Variants in MYO6 observed in about 807,000 individuals in gnomAD.
MYO6 encodes the protein unconventional myosin-VI.
Under a neutral mutation model 178.7 loss-of-function variants are expected in MYO6, and 74 were observed. The observed-to-expected ratio is 0.41, with a 90% CI of 0.34 to 0.50. The LOEUF is 0.50. MYO6 is among the 20% of genes least tolerant of loss of function. The pLI is 0.09. For missense variants in MYO6, 1,330 were observed against 1,547.4 expected (o/e 0.86, Z 2.36); for synonymous variants, 477 against 504.6 (o/e 0.95, Z 0.73).
At chr6:75,906,849 C>T (rs1056259040) in intron 30 of MYO6, among the ~76,000 whole-genome samples, 2 of 152,140 alleles carry the variant, frequency 1.3e-5, no homozygotes, top group African/African-American at 2.4e-5. Flanking sequence ...TGATACAGCA[C>T]TTGTGCCCTT....
intron 1 of MYO6, among the ~76,000 whole-genome samples, chr6:75,791,180 A>G (rs1324962586): frequency 4.6e-5 from 7 of 152,068 alleles, no homozygotes; most frequent in Non-Finnish European, 1.0e-4. Flanking sequence ...TGATCCACCC[A>G]CCTTGGCCTC....
At chr6:75,873,617 T>C (rs1777331140) in intron 20 of MYO6, among the ~76,000 whole-genome samples, 1 of 152,112 alleles carries the variant, frequency 6.6e-6, no homozygotes, top group South Asian at 2.1e-4. Flanking sequence ...ATTTGAGCAA[T>C]ATTGAGATGT....
Position 75,848,378 on chromosome 6 carries a change from C to T in MYO6, c.925C>T (p.Pro309Ser). 3 of 1,613,634 alleles carry T rather than the reference C, an allele frequency of 1.9e-6. No individual in the cohort carries two copies. The highest frequency in any genetic ancestry group is 2.5e-6 in the Non-Finnish European group (3 of 1,179,754). Residue 309 changes from proline to serine, a missense_variant, in exon 11 of 35, where the codon CCT becomes TCT. By Grantham distance (74) the Pro-to-Ser change is moderately conservative. Around this residue, in one of 3 missense-constraint regions of MYO6, gnomAD observed 613 missense variants for 816.8 expected, o/e 0.75. Coordinates refer to ENST00000369977, the MANE Select transcript of MYO6 (RefSeq NM_004999.4). ...EYLKAGSMKD[P>S]LLDDHGDFIR... ...CCTTAAGGCAGGTTCTATGAAAGAT[C>T]CTCTGCTAGATGACCATGGTGATTT...
At chr6:75,831,752 G>A (rs900022988) in intron 5 of MYO6, among the ~76,000 whole-genome samples, 4 of 151,708 alleles carry the variant, frequency 2.6e-5, no homozygotes, top group South Asian at 2.1e-4. Flanking sequence ...AAATTAGCCG[G>A]GCATGTGCTT....
chr6:75,753,632 T>C (rs1251427278), intron 1 of MYO6, among the ~76,000 whole-genome samples: 2 of 151,840 alleles, frequency 1.3e-5, no homozygotes, highest in Non-Finnish European at 1.5e-5. Flanking sequence ...TGGCTAACTT[T>C]TTTGTGTTTC....
intron 28 of MYO6, among the ~76,000 whole-genome samples, chr6:75,893,374 C>G (rs1583389748): frequency 6.6e-6 from 1 of 151,996 alleles, no homozygotes; most frequent in East Asian, 1.9e-4. Context: ...TTTATAATAA[C>G]AAAACTAATT....
chr6:75,864,160 T>G (rs2149303373), intron 16 of MYO6, among the ~76,000 whole-genome samples: 1 of 152,298 alleles, frequency 6.6e-6, no homozygotes, highest in African/African-American at 2.4e-5. Flanking sequence ...TAGGCAAAAT[T>G]GCCTCTCAAA....
At chr6:75,898,537 C>T (rs1779486268) in intron 30 of MYO6, 126 bp downstream of exon 30, 1 of 796,924 alleles carries the variant, frequency 1.3e-6, no homozygotes, top group African/African-American at 1.7e-5. Context: ...AGTGATATTT[C>T]TTTCTGTACA....
chr6:75,861,086 G>C lies in MYO6; in HGVS notation c.1537G>C (p.Asp513His), dbSNP rs1469822801. ...VNEVHYVDNQ[D>H]CIDLIEAKLV... ...TGAAGTGCATTATGTGGATAATCAG[G>C]ACTGTATAGGTATGTGTTTTTTAAC... Residue 513 changes from aspartate to histidine, a missense_variant, in exon 15 of 35, where the codon GAC (aspartate) becomes CAC (histidine). Coordinates refer to ENST00000369977, the MANE Select transcript of MYO6 (RefSeq NM_004999.4). 1 of 1,608,212 alleles carries C rather than the reference G, an allele frequency of 6.2e-7. No homozygotes were observed. Among genetic ancestry groups the C allele is most frequent in the Admixed American group, 1.7e-5 (1 of 59,986 alleles).
chr6:75,753,267 A>G (rs1052084206), intron 1 of MYO6, among the ~76,000 whole-genome samples: 1 of 151,868 alleles, frequency 6.6e-6, no homozygotes, highest in East Asian at 1.9e-4. Flanking sequence ...TGTGCATCTC[A>G]AGGATATTCA....
chr6:75,864,291 G>A (rs879373449), intron 16 of MYO6, among the ~76,000 whole-genome samples: 7 of 152,122 alleles, frequency 4.6e-5, no homozygotes, highest in Non-Finnish European at 1.0e-4. Flanking sequence ...CAAAATCAGT[G>A]GTAAATAGGT....
intron 23 of MYO6, 86 bp from the exon 24 acceptor site, chr6:75,885,918 A>AT: frequency 1.2e-6 from 1 of 802,284 alleles, no homozygotes; most frequent in South Asian, 1.6e-5. Flanking sequence ...TTTCTTGAGC[A>AT]TTACTTTGTG....
chr6:75,762,907 G>A (rs147476718), intron 1 of MYO6, among the ~76,000 whole-genome samples: 75 of 151,902 alleles, frequency 4.9e-4, no homozygotes, highest in African/African-American at 1.7e-3. Flanking sequence ...TTTTTGTAGA[G>A]ATAGGGGTCT....
intron 28 of MYO6, 28 bp downstream of exon 28, chr6:75,892,718 C>T (rs371108526): frequency 2.0e-4 from 320 of 1,610,738 alleles, no homozygotes; most frequent in Non-Finnish European, 2.5e-4. Flanking sequence ...TGGGGTATAG[C>T]GCTCTCTCCT....
intron 16 of MYO6, among the ~76,000 whole-genome samples, chr6:75,863,518 T>C (rs1052403828): frequency 2.0e-5 from 3 of 151,922 alleles, no homozygotes; most frequent in African/African-American, 4.8e-5. Flanking sequence ...AGAGTTTCGC[T>C]ATTGTCACCC....
chr6:75,856,342 A>T (rs1262053466), intron 12 of MYO6, among the ~76,000 whole-genome samples: 1 of 152,108 alleles, frequency 6.6e-6, no homozygotes, highest in South Asian at 2.1e-4. Context: ...TATGTACTCT[A>T]TATATAGCGT....
At chr6:75,880,762 A>G (rs775474725) in intron 22 of MYO6, among the ~76,000 whole-genome samples, 2 of 152,250 alleles carry the variant, frequency 1.3e-5, no homozygotes, top group Non-Finnish European at 2.9e-5. Context: ...AATTTTGACT[A>G]TAAGAAGCCG....
intron 1 of MYO6, among the ~76,000 whole-genome samples, chr6:75,782,308 T>C (rs549345432): frequency 1.3e-5 from 2 of 152,298 alleles, no homozygotes; most frequent in Middle Eastern, 6.8e-3. Context: ...TCTTGGTTTC[T>C]TATACCAAGA....
intron 1 of MYO6, among the ~76,000 whole-genome samples, chr6:75,756,976 GTGTGTATATATGTA>G (rs1562113375): frequency 4.4e-5 from 1 of 22,492 alleles, no homozygotes; most frequent in Non-Finnish European, 1.2e-4. Flanking sequence ...CACATATATA[GTGTGTATATATGTA>G]TACACACATA....
Sources: allele counts gnomAD v4.1 joint callset (sites outside exome capture counted in the v4.1 genomes callset), GRCh38; gene constraint gnomAD v4.1.1; regional missense constraint gnomAD v4.1.1; transcripts MANE v1.5; gene names NCBI Gene and HGNC (gene_info 2026-07-23, HGNC 2026-07-21).